Variants in CDK5RAP1 observed in about 807,000 individuals in gnomAD.
CDK5RAP1 encodes mitochondrial tRNA methylthiotransferase CDK5RAP1.
Under a neutral mutation model 64.5 loss-of-function variants are expected in CDK5RAP1, and 62 were observed. The observed-to-expected ratio is 0.96, with a 90% CI of 0.78 to 1.19. The LOEUF is 1.19. Among genes scored for constraint, CDK5RAP1 ranks in the 50% most tolerant of loss-of-function variants. The pLI is 0.00. For missense variants in CDK5RAP1, 657 were observed against 735.0 expected (o/e 0.89, Z 1.23); for synonymous variants, 250 against 261.9 (o/e 0.95, Z 0.44).
intron 8 of CDK5RAP1, among the ~76,000 whole-genome samples, chr20:33,378,941 A>C (rs1600748157): frequency 6.6e-6 from 1 of 150,556 alleles, no homozygotes; most frequent in East Asian, 1.9e-4. Flanking sequence ...TCCTACCTCC[A>C]CTCCCACCTT....
intron 6 of CDK5RAP1, 67 bp downstream of exon 6, chr20:33,387,256 C>CA (rs367959712): frequency 0.045 from 46,448 of 1,039,282 alleles, 1 homozygote; most frequent in Non-Finnish European, 0.052. Context: ...GACCCTGTCT[C>CA]AAAAAAAAAA....
At chr20:33,361,955 C>CA (rs11481557) in intron 12 of CDK5RAP1, among the ~76,000 whole-genome samples, 38,723 of 87,614 alleles carry the variant, frequency 0.44, 8,916 homozygotes, top group Non-Finnish European at 0.52. Flanking sequence ...GCCTCAGTCT[C>CA]AAAAAAAAAA....
intron 12 of CDK5RAP1, among the ~76,000 whole-genome samples, chr20:33,364,478 C>T (rs983181092): frequency 2.6e-5 from 4 of 151,916 alleles, no homozygotes; most frequent in Non-Finnish European, 5.9e-5. Context: ...TGAGCCACCG[C>T]GCCTGGCCCG....
intron 8 of CDK5RAP1, 124 bp from the exon 9 acceptor site, chr20:33,374,336 C>G: frequency 1.5e-6 from 1 of 652,572 alleles, no homozygotes; most frequent in East Asian, 2.7e-5. Context: ...CTAATTAAAC[C>G]AGACACACAA....
intron 12 of CDK5RAP1, among the ~76,000 whole-genome samples, chr20:33,361,930 T>C (rs1600698382): frequency 9.0e-6 from 1 of 111,550 alleles, no homozygotes; most frequent in South Asian, 2.9e-4. Context: ...CACTCCAGTG[T>C]GGGCAACAGA....
chr20:33,381,636 C>A (rs1357251456), intron 7 of CDK5RAP1, among the ~76,000 whole-genome samples: 9 of 152,150 alleles, frequency 5.9e-5, no homozygotes. Context: ...CCAAGTTGCC[C>A]AGGCTAGTCT....
chr20:33,371,491 A>C (rs188109705), intron 10 of CDK5RAP1, among the ~76,000 whole-genome samples: 47 of 152,056 alleles, frequency 3.1e-4, no homozygotes, highest in African/African-American at 1.1e-3. Flanking sequence ...TTGTCCATAA[A>C]AGTTAAAATA....
chr20:33,396,957 G>A lies in CDK5RAP1; in HGVS notation c.108C>T (p.Leu36=). ...SLRMCRAHSS[L]SSTMCPSPER... Reference sequence around the variant, plus strand: ...CTGGACTGGGACACATGGTACTAGAGAGACTGCTGTGTGCCCTGCACATCC... The same window carrying A: ...CTGGACTGGGACACATGGTACTAGAAAGACTGCTGTGTGCCCTGCACATCC... Residue 36 remains leucine (L), a synonymous_variant, in exon 2 of 14, where the codon CTC becomes CTT. Transcript: ENST00000346416. The A allele has an allele frequency of 6.2e-7, 1 of 1,614,178 alleles. No homozygotes were observed. The highest frequency in any genetic ancestry group is 8.5e-7 in the Non-Finnish European group (1 of 1,180,020).
At chr20:33,386,549 A>G (rs969009204) in intron 6 of CDK5RAP1, among the ~76,000 whole-genome samples, 8 of 152,188 alleles carry the variant, frequency 5.3e-5, no homozygotes, top group African/African-American at 9.7e-5. Flanking sequence ...TACATTTCTC[A>G]CGCCTTCCTG....
chr20:33,392,101 C>T, intron 5 of CDK5RAP1, 41 bp downstream of exon 5: 1 of 1,271,364 alleles, frequency 7.9e-7, no homozygotes, highest in Non-Finnish European at 1.1e-6. Flanking sequence ...CACATAAAGT[C>T]CAAGTTTCAA....
At chr20:33,382,158 G>A (rs575240636) in intron 7 of CDK5RAP1, among the ~76,000 whole-genome samples, 39 of 152,198 alleles carry the variant, frequency 2.6e-4, no homozygotes, top group Admixed American at 2.6e-3. Context: ...CAATGCTCGA[G>A]GAAACTCTCT....
chr20:33,392,021 G>C (rs1048114546), intron 5 of CDK5RAP1, 121 bp downstream of exon 5: 2 of 665,030 alleles, frequency 3.0e-6, no homozygotes, highest in Non-Finnish European at 5.4e-6. Flanking sequence ...TACAAGAATT[G>C]CATGGGATAT....
At chr20:33,361,955 CAAA>C (rs11481557) in intron 12 of CDK5RAP1, among the ~76,000 whole-genome samples, 21 of 87,868 alleles carry the variant, frequency 2.4e-4, no homozygotes, top group Non-Finnish European at 3.1e-4. Flanking sequence ...GCCTCAGTCT[CAAA>C]AAAAAAAAAA....
intron 1 of CDK5RAP1, among the ~76,000 whole-genome samples, chr20:33,398,959 C>T (rs1006815003): frequency 2.0e-4 from 30 of 152,030 alleles, no homozygotes; most frequent in Admixed American, 1.2e-3. Flanking sequence ...TGAGGCTGAA[C>T]CTATACATGA....
chr20:33,379,076 A>G (rs1986406818), intron 8 of CDK5RAP1, among the ~76,000 whole-genome samples: 1 of 152,088 alleles, frequency 6.6e-6, no homozygotes, highest in Non-Finnish European at 1.5e-5. Context: ...CAGTCTCCCA[A>G]GTAGCTGGAA....
intron 9 of CDK5RAP1, chr20:33,373,222 A>G (rs868266008): frequency 2.2e-4 from 29 of 129,736 alleles, no homozygotes; most frequent in South Asian, 1.0e-3. Flanking sequence ...AGGTGTGTGC[A>G]TGTGTGTGTG....
At chr20:33,361,955 CAAAAAAAAAAAA>C (rs11481557) in intron 12 of CDK5RAP1, among the ~76,000 whole-genome samples, 27 of 87,902 alleles carry the variant, frequency 3.1e-4, no homozygotes, top group Non-Finnish European at 4.6e-4. Flanking sequence ...GCCTCAGTCT[CAAAAAAAAAAAA>C]AAAAAAAAGG....
chr20:33,397,601 CCACT>C (rs1363870444), intron 1 of CDK5RAP1, among the ~76,000 whole-genome samples: 1 of 152,192 alleles, frequency 6.6e-6, no homozygotes, highest in Non-Finnish European at 1.5e-5. Context: ...AAAGTGAAAA[CCACT>C]CACTGTCTGA....
intron 12 of CDK5RAP1, 130 bp downstream of exon 12, chr20:33,366,729 G>A (rs111360441): frequency 0.17 from 125,985 of 758,006 alleles, 12,233 homozygotes; most frequent in East Asian, 0.37. Context: ...CTACTTGGGA[G>A]GCTGAGGCAG....
Sources: allele counts gnomAD v4.1 joint callset (sites outside exome capture counted in the v4.1 genomes callset), GRCh38; gene constraint gnomAD v4.1.1; transcripts MANE v1.5; gene names NCBI Gene and HGNC (gene_info 2026-07-23, HGNC 2026-07-21).